The following LRRC63 variants were observed in gnomAD, a reference collection of about 807,000 sequenced individuals.
LRRC63 encodes the protein leucine-rich repeat-containing protein 63.
Under a neutral mutation model 49.5 loss-of-function variants are expected in LRRC63, and 40 were observed. The ratio of observed to expected loss-of-function variants is 0.81; its 90% confidence interval spans 0.63 to 1.05. The LOEUF is 1.05. Ranked by LOEUF, LRRC63 falls within the 50% of genes least tolerant of loss-of-function variation. The pLI is 0.00. For missense variants in LRRC63, 636 were observed against 663.1 expected (o/e 0.96, Z 0.45); for synonymous variants, 191 against 221.1 (o/e 0.86, Z 1.21).
At chr13:46,271,597 A>T (rs2047759088) in intron 9 of LRRC63, among the ~76,000 whole-genome samples, 1 of 152,182 alleles carries the variant, frequency 6.6e-6, no homozygotes, top group Non-Finnish European at 1.5e-5. Context: ...TAATTACTGA[A>T]ATATGCATAT....
intron 2 of LRRC63, among the ~76,000 whole-genome samples, chr13:46,224,095 A>T (rs2046497709): frequency 6.6e-6 from 1 of 152,204 alleles, no homozygotes; most frequent in African/African-American, 2.4e-5. Context: ...GTGAATGTCT[A>T]AAATTCTTGC....
intron 7 of LRRC63, among the ~76,000 whole-genome samples, chr13:46,253,950 C>G (rs115633186): frequency 0.015 from 2,318 of 152,164 alleles, 76 homozygotes; most frequent in African/African-American, 0.052. Context: ...TCTGGAGAAA[C>G]ATCTGTGTTT....
At chr13:46,256,660 A>T (rs2047515935) in intron 7 of LRRC63, among the ~76,000 whole-genome samples, 1 of 152,172 alleles carries the variant, frequency 6.6e-6, no homozygotes, top group African/African-American at 2.4e-5. Context: ...CTTTAATTTC[A>T]TAGATCCACA....
At chr13:46,270,703 T>G (rs1484978784) in intron 9 of LRRC63, 2 of 638,292 alleles carry the variant, frequency 3.1e-6, no homozygotes, top group East Asian at 3.1e-5. Context: ...GAAGAACCAG[T>G]ATCTGTGAAG....
chr13:46,272,285 C>A (rs76878317), intron 9 of LRRC63, among the ~76,000 whole-genome samples: 5,223 of 152,174 alleles, frequency 0.034, 133 homozygotes, highest in Admixed American at 0.065. Context: ...TACTGTATAT[C>A]TTCCATAAAT....
At chr13:46,225,157 G>A (rs910278205) in intron 2 of LRRC63, among the ~76,000 whole-genome samples, 6 of 152,208 alleles carry the variant, frequency 3.9e-5, no homozygotes, top group African/African-American at 1.4e-4. Flanking sequence ...GGTCCTGCAT[G>A]CTGTGGGCTG....
intron 2 of LRRC63, among the ~76,000 whole-genome samples, chr13:46,221,243 A>G (rs2046398685): frequency 6.6e-6 from 1 of 152,250 alleles, no homozygotes; most frequent in South Asian, 2.1e-4. Context: ...TTTGAAAGAA[A>G]AAAATGATTT....
chr13:46,223,483 T>TG (rs2046471648), intron 2 of LRRC63, among the ~76,000 whole-genome samples: 1 of 150,276 alleles, frequency 6.7e-6, no homozygotes, highest in Non-Finnish European at 1.5e-5. Flanking sequence ...CAGTTTTTTT[T>TG]GTTTTTTTTT....
At chr13:46,228,077 T>C (rs1220049198) in exon 3 of LRRC63, 1 of 1,550,910 alleles carries the variant, frequency 6.4e-7, no homozygotes, top group African/African-American at 1.4e-5. Flanking sequence ...GACAGTGGCC[T>C]GAACATTTTA....
At chr13:46,212,384 G>T (rs550564437) in intron 1 of LRRC63, 125 bp downstream of exon 1, 1 of 152,316 alleles carries the variant, frequency 6.6e-6, no homozygotes, top group African/African-American at 2.4e-5. Context: ...GCATCTTCTC[G>T]CATTATTTCT....
intron 9 of LRRC63, among the ~76,000 whole-genome samples, chr13:46,272,197 G>A (rs542936549): frequency 7.2e-5 from 11 of 152,158 alleles, no homozygotes; most frequent in South Asian, 4.1e-4. Context: ...GCTTATTTAC[G>A]GGATTTTTCA....
intron 7 of LRRC63, among the ~76,000 whole-genome samples, chr13:46,254,677 G>A (rs1345295908): frequency 6.6e-6 from 1 of 152,178 alleles, no homozygotes; most frequent in Non-Finnish European, 1.5e-5. Context: ...AAAGAAAGTT[G>A]TGATGATTTA....
At chr13:46,219,138 A>T (rs1161003938) in intron 2 of LRRC63, among the ~76,000 whole-genome samples, 2 of 152,010 alleles carry the variant, frequency 1.3e-5, no homozygotes, top group Non-Finnish European at 2.9e-5. Context: ...CTGAATTTGA[A>T]TGTTGGTCTG....
chr13:46,229,959 G>C (rs1481765405), intron 4 of LRRC63, among the ~76,000 whole-genome samples: 1 of 152,094 alleles, frequency 6.6e-6, no homozygotes, highest in African/African-American at 2.4e-5. Context: ...GGGAGCAAGA[G>C]AGAGAGTGGT....
chr13:46,226,352 G>A (rs1485153466), intron 2 of LRRC63, among the ~76,000 whole-genome samples: 2 of 152,136 alleles, frequency 1.3e-5, no homozygotes, highest in Non-Finnish European at 2.9e-5. Flanking sequence ...GTGGGGAAGA[G>A]TTAAGTTGTT....
intron 5 of LRRC63, among the ~76,000 whole-genome samples, chr13:46,246,231 C>G (rs1173594330): frequency 6.6e-6 from 1 of 152,130 alleles, no homozygotes. Flanking sequence ...CCTGGAGAAC[C>G]GTGAGCCAAT....
At chr13:46,254,720 A>G (rs1594083388) in intron 7 of LRRC63, among the ~76,000 whole-genome samples, 1 of 152,330 alleles carries the variant, frequency 6.6e-6, no homozygotes, top group East Asian at 1.9e-4. Flanking sequence ...AAAAGAACAG[A>G]GCACAGGAAA....
At chr13:46,270,087 A>G in intron 9 of LRRC63, 1 of 607,676 alleles carries the variant, frequency 1.6e-6, no homozygotes. Context: ...ATGGCTACCG[A>G]GCGCCAAACC....
intron 8 of LRRC63, among the ~76,000 whole-genome samples, chr13:46,264,203 C>T (rs957705895): frequency 3.3e-5 from 5 of 152,154 alleles, no homozygotes; most frequent in Non-Finnish European, 4.4e-5. Flanking sequence ...TATGAGATTA[C>T]GCTTACAAGT....
Sources: allele counts gnomAD v4.1 joint callset (sites outside exome capture counted in the v4.1 genomes callset), GRCh38; gene constraint gnomAD v4.1.1; transcripts MANE v1.5; gene names NCBI Gene and HGNC (gene_info 2026-07-23, HGNC 2026-07-21).